The following DCDC1 variants were observed in gnomAD, a reference collection of about 807,000 sequenced individuals.
DCDC1 encodes the protein doublecortin domain containing 1, also known as doublecortin domain-containing protein 1.
Under a neutral mutation model 178.3 loss-of-function variants are expected in DCDC1, and 200 were observed. The ratio of observed to expected loss-of-function variants is 1.12; its 90% CI spans 1.00 to 1.26. DCDC1 has a LOEUF of 1.26. DCDC1 is among the 50% of genes most tolerant of loss of function. The pLI is 0.00. For synonymous variants in DCDC1, 690 were observed against 604.8 expected (o/e 1.14, Z -2.07); for missense variants, 1,983 against 1,749.2 (o/e 1.13, Z -2.38).
intron 36 of DCDC1, among the ~76,000 whole-genome samples, chr11:30,888,373 C>T (rs754736648): frequency 4.6e-5 from 7 of 152,176 alleles, no homozygotes; most frequent in Non-Finnish European, 8.8e-5. Flanking sequence ...AAAAAATAGA[C>T]GTTTTCAGTA....
At chr11:31,095,868 AG>A (rs1234053316) in intron 15 of DCDC1, among the ~76,000 whole-genome samples, 1 of 152,208 alleles carries the variant, frequency 6.6e-6, no homozygotes, top group African/African-American at 2.4e-5. Flanking sequence ...TAGGTTTTTT[AG>A]TACCAATATT....
chr11:31,080,395 G>C (rs1257639662), intron 17 of DCDC1, among the ~76,000 whole-genome samples: 4 of 152,128 alleles, frequency 2.6e-5, no homozygotes, highest in Non-Finnish European at 5.9e-5. Flanking sequence ...AATTAGATCA[G>C]AAAAGTATAA....
intron 1 of DCDC1, among the ~76,000 whole-genome samples, chr11:31,357,536 G>C (rs1951448090): frequency 6.6e-6 from 1 of 152,300 alleles, no homozygotes; most frequent in African/African-American, 2.4e-5. Context: ...ACAAGACAGG[G>C]ATGCCCTCTC....
At chr11:31,040,750 G>A (rs1290256997) in intron 20 of DCDC1, among the ~76,000 whole-genome samples, 1 of 151,942 alleles carries the variant, frequency 6.6e-6, no homozygotes, top group African/African-American at 2.4e-5. Flanking sequence ...CCACACTTCA[G>A]AAGGAAAAAA....
chr11:30,873,767 T>C (rs1941861665), intron 38 of DCDC1, among the ~76,000 whole-genome samples: 1 of 152,284 alleles, frequency 6.6e-6, no homozygotes, highest in African/African-American at 2.4e-5. Flanking sequence ...CATATAAAAA[T>C]GTATAAGAAA....
intron 20 of DCDC1, among the ~76,000 whole-genome samples, chr11:30,982,761 G>C (rs146922537): frequency 3.0e-4 from 45 of 152,212 alleles, no homozygotes; most frequent in African/African-American, 1.1e-3. Context: ...CGCCCCATCA[G>C]TGCTGACATT....
At position 31,341,218 on chromosome 11, in the gene DCDC1, A is replaced by AACTTCTTGTCTTGACAAAG. The variant is rs1455028863; in HGVS notation, c.-124-5655_-124-5654insCTTTGTCAAGACAAGAAGT. Among the ~76,000 whole-genome samples, 18 of 152,284 alleles carry AACTTCTTGTCTTGACAAAG rather than the reference A, an allele frequency of 1.2e-4. No homozygotes were observed. The East Asian group carries it at 3.5e-3, about 29-fold the overall frequency. Reference sequence around the variant, plus strand: ...TGCATTTCAAGACAAAGTTCTCCAGAAACTTCTTTCACAGGTAGGGAATTC... The same window carrying AACTTCTTGTCTTGACAAAG: ...TGCATTTCAAGACAAAGTTCTCCAGAACTTCTTGTCTTGACAAAGAACTTCTTTCACAGGTAGGGAATTC... On this transcript the variant is annotated intron_variant, in intron 1 of 38. Transcript: ENST00000684477.
intron 16 of DCDC1, 57 bp from the exon 17 acceptor site, chr11:31,091,568 T>C (rs1289887894): frequency 1.4e-6 from 1 of 695,410 alleles, no homozygotes; most frequent in African/African-American, 1.8e-5. Flanking sequence ...AACCAGAAAA[T>C]TCAACAATGT....
chr11:30,980,583 G>T lies in DCDC1; in HGVS notation c.2592-28015C>A, dbSNP rs575816275. Among the ~76,000 whole-genome samples, 8 of 152,296 alleles carry T rather than the reference G, an allele frequency of 5.3e-5. No homozygotes were observed. The East Asian group carries it at 1.5e-3, about 29-fold the overall frequency. ...TGTGGTGTTGGATAGAGTTGTGGCTGTGCAGAAATGGGGGTGGCCCATGGG... is the reference window on the plus strand; with the variant it reads ...TGTGGTGTTGGATAGAGTTGTGGCTTTGCAGAAATGGGGGTGGCCCATGGG... On this transcript the variant is annotated intron_variant, in intron 20 of 38. Coordinates refer to ENST00000684477, the MANE Select transcript of DCDC1 (RefSeq NM_001387274.1).
chr11:30,954,671 G>C (rs1395698179), intron 20 of DCDC1, among the ~76,000 whole-genome samples: 1 of 152,108 alleles, frequency 6.6e-6, no homozygotes, highest in Non-Finnish European at 1.5e-5. Context: ...GAAATGAAAC[G>C]ATGGACATTT....
intron 36 of DCDC1, among the ~76,000 whole-genome samples, chr11:30,888,110 GAA>G (rs775681874): frequency 7.6e-5 from 8 of 105,928 alleles, no homozygotes; most frequent in African/African-American, 1.9e-4. Flanking sequence ...AAGAAAGAAA[GAA>G]AGAAAGAAAG....
At chr11:31,129,762 T>A (rs1440166143) in intron 10 of DCDC1, among the ~76,000 whole-genome samples, 1 of 151,992 alleles carries the variant, frequency 6.6e-6, no homozygotes, top group African/African-American at 2.4e-5. Context: ...TCTCTTCCCC[T>A]CCATGCCATT....
In DCDC1 at chr11:31,305,768, C is replaced by T. The variant is rs2137586982; in HGVS notation, c.601G>A (p.Glu201Lys). Residue 201 changes from glutamate to lysine, a missense_variant, in exon 6 of 39, where the codon GAG becomes AAG. Glu to Lys is a moderately conservative substitution (Grantham distance 56). Transcript: ENST00000684477. Reference protein sequence around the residue: ...TVPTITLLLEECTEKLNLNMA... With the variant: ...TVPTITLLLEKCTEKLNLNMA... ...TTCAGATTCAGCTTTTCTGTGCACT[C>T]CTCCAGCAGCTAGAAGAAAGCAAGA... 14 of 1,613,104 alleles carry T rather than the reference C, an allele frequency of 8.7e-6. No homozygotes were observed. The highest frequency in any genetic ancestry group is 1.2e-5 in the Non-Finnish European group (14 of 1,179,552).
chr11:31,205,744 AT>A (rs1472385150), intron 9 of DCDC1, among the ~76,000 whole-genome samples: 1 of 152,200 alleles, frequency 6.6e-6, no homozygotes, highest in Non-Finnish European at 1.5e-5. Flanking sequence ...AGATTTGCAA[AT>A]AAAAATTTAA....
intron 20 of DCDC1, among the ~76,000 whole-genome samples, chr11:30,998,102 T>C (rs1951369799): frequency 1.3e-5 from 2 of 151,986 alleles, no homozygotes; most frequent in Non-Finnish European, 2.9e-5. Flanking sequence ...GAGACCAGTC[T>C]GGGCAACATA....
intron 1 of DCDC1, among the ~76,000 whole-genome samples, chr11:31,351,772 G>T (rs925996149): frequency 1.3e-5 from 2 of 152,100 alleles, no homozygotes; most frequent in African/African-American, 4.8e-5. Context: ...ACCTTGGAAA[G>T]CTGAAAGCCC....
At chr11:30,893,735 C>T (rs1336112435) in intron 35 of DCDC1, among the ~76,000 whole-genome samples, 1 of 152,150 alleles carries the variant, frequency 6.6e-6, no homozygotes, top group Admixed American at 6.5e-5. Flanking sequence ...AAAGTTTTCC[C>T]TGGTCTCTCT....
chr11:30,942,514 CA>C (rs1947724266), intron 21 of DCDC1, among the ~76,000 whole-genome samples: 1 of 152,112 alleles, frequency 6.6e-6, no homozygotes, highest in Non-Finnish European at 1.5e-5. Context: ...CAGGGAAAGG[CA>C]AAAGAAACAA....
chr11:30,899,098 C>G (rs1388695438), intron 34 of DCDC1, among the ~76,000 whole-genome samples: 3 of 151,802 alleles, frequency 2.0e-5, no homozygotes, highest in African/African-American at 7.3e-5. Context: ...TTTAGTACTT[C>G]CTCATTCAGA....
Sources: gnomAD v4.1 joint callset for allele counts (sites outside exome capture counted in the v4.1 genomes callset) on GRCh38, gnomAD v4.1.1 for gene constraint, MANE v1.5 for transcripts, NCBI Gene and HGNC (gene_info 2026-07-23, HGNC 2026-07-21) for gene names.